The following MTSS1 variants were observed in gnomAD, a reference collection of about 807,000 sequenced individuals.
The protein encoded by MTSS1 is MTSS I-BAR domain containing 1, also known as protein MTSS 1.
MTSS1 carries 18 observed loss-of-function variants against 79.0 expected under a neutral mutation model. The ratio of observed to expected loss-of-function variants is 0.23; its 90% CI spans 0.16 to 0.34. MTSS1 has a LOEUF of 0.34. Among genes scored for constraint, MTSS1 ranks in the 10% least tolerant of loss-of-function variants. MTSS1 has a pLI of 1.00. For missense variants in MTSS1, 815 were observed against 986.2 expected (o/e 0.83, Z 2.33); for synonymous variants, 341 against 368.6 (o/e 0.93, Z 0.86).
At chr8:124,715,002 A>T (rs1831720481) in intron 1 of MTSS1, among the ~76,000 whole-genome samples, 1 of 152,148 alleles carries the variant, frequency 6.6e-6, no homozygotes, top group Non-Finnish European at 1.5e-5. Context: ...CCTGTCTATA[A>T]ATGTCCACAT....
At chr8:124,566,071 T>C (rs2132038188) in intron 8 of MTSS1, 1 of 185,552 alleles carries the variant, frequency 5.4e-6, no homozygotes. Context: ...CAGCCATTTA[T>C]ACCCAAGGCT....
At chr8:124,698,599 C>A (rs771782090) in intron 3 of MTSS1, among the ~76,000 whole-genome samples, 54 of 150,810 alleles carry the variant, frequency 3.6e-4, no homozygotes, top group African/African-American at 1.3e-3. Context: ...GCAACCTCTG[C>A]CTCCCGGATT....
chr8:124,682,147 T>C lies in MTSS1; in HGVS notation c.208+17379A>G, dbSNP rs568851239. On this transcript the variant is annotated intron_variant, in intron 3 of 13. Transcript: ENST00000518547. The stretch of plus-strand genomic sequence containing the variant: ...AACAGCAGCCATGCACTTTCTTAAC[T>C]CTAACAACAGGGTAGCCCTCACGCC... 5.3e-5 allele frequency among the ~76,000 whole-genome samples: 8 copies of C among 152,348 alleles called. No homozygotes were observed. In the South Asian group the frequency reaches 1.7e-3, roughly 32 times the overall value.
chr8:124,688,403 ATG>A (rs1305262394), intron 3 of MTSS1, among the ~76,000 whole-genome samples: 2 of 151,828 alleles, frequency 1.3e-5, no homozygotes, highest in East Asian at 1.9e-4. Flanking sequence ...GTATATGTGT[ATG>A]TGTGTGTACG....
chr8:124,631,497 C>T (rs1587437595), intron 3 of MTSS1, among the ~76,000 whole-genome samples: 1 of 152,218 alleles, frequency 6.6e-6, no homozygotes, highest in Admixed American at 6.5e-5. Flanking sequence ...CTCTCCTTTT[C>T]CTCCATGCTC....
intron 1 of MTSS1, among the ~76,000 whole-genome samples, chr8:124,717,180 C>T (rs1304631783): frequency 6.6e-6 from 1 of 152,106 alleles, no homozygotes; most frequent in Non-Finnish European, 1.5e-5. Context: ...CGAGGCCCGC[C>T]CCTAACCACT....
chr8:124,558,128 T>G, intron 10 of MTSS1: 1 of 414,514 alleles, frequency 2.4e-6, no homozygotes, highest in Non-Finnish European at 4.3e-6. Flanking sequence ...GTTTGGAAAT[T>G]GATCAGTGCC....
intron 1 of MTSS1, among the ~76,000 whole-genome samples, chr8:124,713,877 AG>A (rs1375132234): frequency 6.6e-6 from 1 of 151,832 alleles, no homozygotes; most frequent in East Asian, 1.9e-4. Context: ...TCCCCCAAGT[AG>A]CTGGGACAAC....
chr8:124,631,148 AG>A (rs1459622165), intron 3 of MTSS1, among the ~76,000 whole-genome samples: 1 of 152,182 alleles, frequency 6.6e-6, no homozygotes, highest in Non-Finnish European at 1.5e-5. Context: ...CAGAGGTCAA[AG>A]GCAAAGAGTA....
chr8:124,642,823 C>G (rs1402470148), intron 3 of MTSS1, among the ~76,000 whole-genome samples: 2 of 152,166 alleles, frequency 1.3e-5, no homozygotes, highest in Non-Finnish European at 2.9e-5. Flanking sequence ...GAACTCCTGA[C>G]CTCAGGTGAC....
At chr8:124,598,524 A>T (rs916280460) in intron 3 of MTSS1, among the ~76,000 whole-genome samples, 2 of 152,136 alleles carry the variant, frequency 1.3e-5, no homozygotes, top group African/African-American at 4.8e-5. Flanking sequence ...CAGGGAAGCC[A>T]CCTGACATGC....
At chr8:124,646,921 G>A (rs886483519) in intron 3 of MTSS1, among the ~76,000 whole-genome samples, 7 of 151,520 alleles carry the variant, frequency 4.6e-5, no homozygotes, top group African/African-American at 1.7e-4. Context: ...GCCTCAAATG[G>A]TCCTCCCATC....
At chr8:124,613,450 C>T (rs1260722480) in intron 3 of MTSS1, among the ~76,000 whole-genome samples, 3 of 152,238 alleles carry the variant, frequency 2.0e-5, no homozygotes, top group African/African-American at 7.2e-5. Flanking sequence ...TGCACAGCTT[C>T]ATGCAACAAA....
At chr8:124,656,741 G>T (rs1235516120) in intron 3 of MTSS1, among the ~76,000 whole-genome samples, 1 of 136,906 alleles carries the variant, frequency 7.3e-6, no homozygotes, top group African/African-American at 2.8e-5. Context: ...TCACACCACT[G>T]CATTCCAGGC....
At chr8:124,643,733 CTG>C (rs1317848476) in intron 3 of MTSS1, among the ~76,000 whole-genome samples, 1 of 143,342 alleles carries the variant, frequency 7.0e-6, no homozygotes, top group Non-Finnish European at 1.5e-5. Flanking sequence ...CCACGAAAAT[CTG>C]TACTCAAAAC....
rs566968969 is a variant in MTSS1, at chr8:124,635,186, T to G, written c.209-43951A>C. Among the ~76,000 whole-genome samples the G allele has an allele frequency of 5.3e-5, 8 of 152,332 alleles. No homozygotes were observed. In the South Asian group the frequency reaches 1.7e-3, roughly 32 times the overall value. On this transcript the variant is annotated intron_variant, in intron 3 of 13. Coordinates refer to ENST00000518547, the MANE Select transcript of MTSS1 (RefSeq NM_014751.6). The stretch of plus-strand genomic sequence containing the variant: ...TCTTTCTTCCTATAAGTAAAGTTCT[T>G]TCTTGCTTTTAGGGTTTAAAAAGGT...
intron 3 of MTSS1, among the ~76,000 whole-genome samples, chr8:124,609,688 G>A (rs1235715825): frequency 6.6e-6 from 1 of 152,200 alleles, no homozygotes; most frequent in East Asian, 1.9e-4. Flanking sequence ...ACGGGCCTGT[G>A]TCCTTCATTA....
intron 3 of MTSS1, among the ~76,000 whole-genome samples, chr8:124,666,764 A>T (rs1034531156): frequency 1.7e-4 from 26 of 152,056 alleles, no homozygotes; most frequent in Non-Finnish European, 3.7e-4. Flanking sequence ...CAGCTGGCCG[A>T]GGGTTAGCAT....
chr8:124,633,126 C>T (rs549412463), intron 3 of MTSS1, among the ~76,000 whole-genome samples: 2 of 152,132 alleles, frequency 1.3e-5, no homozygotes, highest in South Asian at 4.2e-4. Context: ...GCCTGGGCAA[C>T]ATAGTGAGAC....
Sources: gnomAD v4.1 joint callset for allele counts (sites outside exome capture counted in the v4.1 genomes callset) on GRCh38, gnomAD v4.1.1 for gene constraint, MANE v1.5 for transcripts, NCBI Gene and HGNC (gene_info 2026-07-23, HGNC 2026-07-21) for gene names.